Variants in PCDHGA3 observed in about 807,000 individuals in gnomAD.
PCDHGA3 encodes protocadherin gamma-A3.
Under a neutral mutation model 58.5 loss-of-function variants are expected in PCDHGA3, and 40 were observed. The ratio of observed to expected loss-of-function variants is 0.68; its 90% CI spans 0.53 to 0.89. The LOEUF is 0.89. Ranked by LOEUF, PCDHGA3 falls within the 40% of genes least tolerant of loss-of-function variation. The probability of loss-of-function intolerance (pLI) is 0.00; values close to 1 mark genes in which losing one functional copy is unlikely to be tolerated. For missense variants in PCDHGA3, 1,223 were observed against 1,195.9 expected (o/e 1.02, Z -0.33); for synonymous variants, 530 against 525.7 (o/e 1.01, Z -0.11).
rs772884830 is a variant in PCDHGA3 at position 141,491,791 on chromosome 5, C to T, written c.2425-3016C>T. ...TAAGGGATTGAACTTGCATCCACTCCTCTCCGGCCGGCTTGGTCGCTGGCT... is the reference window on the plus strand; with the variant it reads ...TAAGGGATTGAACTTGCATCCACTCTTCTCCGGCCGGCTTGGTCGCTGGCT... On this transcript the variant is annotated intron_variant, in intron 1 of 3. Coordinates refer to ENST00000253812, the MANE Select transcript of PCDHGA3 (RefSeq NM_018916.4). This position sits in a 1 kb window ranked among gnomAD's most constrained non-coding sequence, Gnocchi z 6.9. The T allele has an allele frequency of 3.3e-6, 5 of 1,518,376 alleles. No homozygotes were observed. In the African/African-American group the frequency reaches 4.2e-5, roughly 13 times the overall value. The allele number at this position is 1,518,376 out of a possible 1,614,324, so 94.1% of individuals were successfully genotyped here.
chr5:141,421,077 A>G (rs975269359), intron 1 of PCDHGA3: 1 of 619,100 alleles, frequency 1.6e-6, no homozygotes, highest in Non-Finnish European at 2.7e-6. Context: ...TGAGATGGAT[A>G]CTCACAGATC....
intron 1 of PCDHGA3, among the ~76,000 whole-genome samples, chr5:141,359,234 T>C (rs1489655323): frequency 6.6e-6 from 1 of 152,044 alleles, no homozygotes; most frequent in Non-Finnish European, 1.5e-5. Flanking sequence ...GGAGAGATTG[T>C]TTAAAGTAAT....
At chr5:141,349,823 G>T (rs1368268423) in intron 1 of PCDHGA3, among the ~76,000 whole-genome samples, 1 of 152,012 alleles carries the variant, frequency 6.6e-6, no homozygotes, top group African/African-American at 2.4e-5. Flanking sequence ...GAAAAAAATG[G>T]CAGTGTACCT....
chr5:141,414,290 T>G (rs781378958), intron 1 of PCDHGA3: 5 of 1,613,154 alleles, frequency 3.1e-6, no homozygotes, highest in Non-Finnish European at 4.2e-6. Context: ...GTCGTAGCCC[T>G]TTTAAATGTG....
At chr5:141,356,628 T>G (rs570306240) in intron 1 of PCDHGA3, 1 of 1,614,104 alleles carries the variant, frequency 6.2e-7, no homozygotes, top group African/African-American at 1.3e-5. Context: ...CTATGACTGC[T>G]CAAGACCCTG....
intron 1 of PCDHGA3, chr5:141,362,306 G>T (rs368350867): frequency 5.0e-6 from 8 of 1,613,932 alleles, no homozygotes; most frequent in Non-Finnish European, 5.9e-6. Context: ...TCAGATGCTT[G>T]GGACTGTTTT....
chr5:141,408,533 G>A, intron 1 of PCDHGA3: 1 of 1,614,056 alleles, frequency 6.2e-7, no homozygotes, highest in Non-Finnish European at 8.5e-7. Flanking sequence ...AGCTGTGGTG[G>A]AAAATCCTTT....
intron 1 of PCDHGA3, chr5:141,372,864 AT>A (rs1769140168): frequency 5.7e-6 from 8 of 1,393,446 alleles, no homozygotes; most frequent in Non-Finnish European, 6.7e-6. Context: ...CAATTCATTG[AT>A]TTAGAGATAA....
Position 141,432,211 on chromosome 5 carries a change from C to T in PCDHGA3, c.2425-62596C>T. 6.2e-7 allele frequency: 1 copy of T among 1,614,232 alleles called. No homozygotes were observed. The highest frequency in any genetic ancestry group is 8.5e-7 in the Non-Finnish European group (1 of 1,180,044). On this transcript the variant is annotated intron_variant, in intron 1 of 3. Coordinates refer to ENST00000253812, the MANE Select transcript of PCDHGA3 (RefSeq NM_018916.4). The surrounding 1 kb of genome is among the most constrained non-coding windows in gnomAD (Gnocchi z 6.0). ...CCCACGACCCCGACTGTGAAGAGAA[C>T]GCCCAGATCACTTATTCCCTGGCTG... is the stretch of plus-strand genomic sequence containing the variant.
chr5:141,458,702 T>G (rs1333580253), intron 1 of PCDHGA3, among the ~76,000 whole-genome samples: 1 of 152,102 alleles, frequency 6.6e-6, no homozygotes, highest in East Asian at 1.9e-4. Context: ...CCCGAGTAGC[T>G]GGGATTACAG....
intron 1 of PCDHGA3, chr5:141,433,250 G>A: frequency 1.4e-6 from 2 of 1,440,892 alleles, no homozygotes; most frequent in Non-Finnish European, 1.9e-6. Flanking sequence ...CTGGAATGCA[G>A]CGGTACGATC....
intron 1 of PCDHGA3, among the ~76,000 whole-genome samples, chr5:141,449,586 C>T (rs2098645911): frequency 1.6e-5 from 2 of 125,482 alleles, no homozygotes; most frequent in East Asian, 2.3e-4. Context: ...AAGACTCTGT[C>T]TCAAAAAAAA....
At chr5:141,430,878 A>G in intron 1 of PCDHGA3, 1 of 1,600,748 alleles carries the variant, frequency 6.2e-7, no homozygotes, top group Admixed American at 1.8e-5. Context: ...GAAGAGCTGG[A>G]GAAAGGCTCT....
At chr5:141,366,773 G>A (rs1474826624) in intron 1 of PCDHGA3, 3 of 1,595,414 alleles carry the variant, frequency 1.9e-6, no homozygotes, top group Non-Finnish European at 2.6e-6. Context: ...CTTTCGGTAA[G>A]GATGACCAGA....
In PCDHGA3 at chr5:141,485,042, C is replaced by T; in HGVS notation, c.2425-9765C>T. ...CAGCAAAAACGGCGCGTAACCCTTGCGGCGCCGGCCGAACCGCGCCAGAGC... is the reference window on the plus strand; with the variant it reads ...CAGCAAAAACGGCGCGTAACCCTTGTGGCGCCGGCCGAACCGCGCCAGAGC... On this transcript the variant is annotated intron_variant, in intron 1 of 3. Coordinates refer to ENST00000253812, the MANE Select transcript of PCDHGA3 (RefSeq NM_018916.4). This position sits in a 1 kb window ranked among gnomAD's most constrained non-coding sequence, Gnocchi z 5.7. 1 of 724,054 alleles carries T rather than the reference C, an allele frequency of 1.4e-6. No individual in the cohort carries two copies. Among genetic ancestry groups the T allele is most frequent in the South Asian group, 1.8e-5 (1 of 56,650 alleles). 44.9% of individuals were successfully genotyped at this position (724,054 alleles called of 1,614,324 possible). A position where few individuals can be genotyped will look rare whatever the true frequency, so the allele number is the denominator to read the frequency against.
intron 1 of PCDHGA3, chr5:141,421,364 T>C (rs975166167): frequency 3.7e-6 from 6 of 1,613,994 alleles, no homozygotes; most frequent in African/African-American, 1.3e-5. Context: ...GGCTCCTTCG[T>C]GGGCAATATC....
chr5:141,362,425 G>A, intron 1 of PCDHGA3: 1 of 1,614,008 alleles, frequency 6.2e-7, no homozygotes, highest in South Asian at 1.1e-5. Flanking sequence ...AGCCAAGACA[G>A]AGTTCAATTT....
chr5:141,433,033 C>A, intron 1 of PCDHGA3: 2 of 1,614,164 alleles, frequency 1.2e-6, no homozygotes, highest in Non-Finnish European at 1.7e-6. Flanking sequence ...ACGAGGTTTC[C>A]CTCACCACGG....
Position 141,423,542 on chromosome 5 carries a change from C to T in PCDHGA3, c.2425-71265C>T, listed in dbSNP as rs755766737. 4.3e-6 allele frequency: 7 copies of T among 1,613,616 alleles called. No individual in the cohort carries two copies. The African/African-American group carries it at 6.7e-5, about 15-fold the overall frequency. The stretch of plus-strand genomic sequence containing the variant: ...TCGCAGAAGAGTCACCTGATTTTCC[C>T]CCAGCCCAACTATGGGGACACGCTC... On this transcript the variant is annotated intron_variant, in intron 1 of 3. Transcript: ENST00000253812.
Sources: gnomAD v4.1 joint callset for allele counts (sites outside exome capture counted in the v4.1 genomes callset) on GRCh38, gnomAD v4.1.1 for gene constraint, Gnocchi (gnomAD v3.1) non-coding constraint, MANE v1.5 for transcripts, NCBI Gene and HGNC (gene_info 2026-07-23, HGNC 2026-07-21) for gene names.